The following KLHL1 variants were observed in gnomAD, a reference collection of about 807,000 sequenced individuals.
KLHL1 encodes the protein kelch-like protein 1.
Under a neutral mutation model 77.7 loss-of-function variants are expected in KLHL1, and 47 were observed. The ratio of observed to expected loss-of-function variants is 0.60; its 90% confidence interval spans 0.48 to 0.77. The LOEUF (loss-of-function observed/expected upper bound fraction) is 0.77, where lower values mean the gene tolerates loss of function less well. Ranked by LOEUF, KLHL1 falls within the 30% of genes least tolerant of loss-of-function variation. KLHL1 has a pLI of 0.00. For missense variants in KLHL1, 925 were observed against 910.8 expected, an observed-to-expected ratio of 1.02 and a Z score of -0.20; for synonymous variants, 360 against 325.2, an observed-to-expected ratio of 1.11 and a Z score of -1.15.
At chr13:69,722,450 G>A (rs149052477) in intron 8 of KLHL1, among the ~76,000 whole-genome samples, 1 of 151,776 alleles carries the variant, frequency 6.6e-6, no homozygotes, top group East Asian at 1.9e-4. Flanking sequence ...ATCTAATCTA[G>A]TATCAAACTA....
At chr13:69,844,732 T>G (rs1879389900) in intron 5 of KLHL1, among the ~76,000 whole-genome samples, 1 of 151,690 alleles carries the variant, frequency 6.6e-6, no homozygotes, top group Non-Finnish European at 1.5e-5. Context: ...CTGAGTAATT[T>G]GATTCAAGCA....
intron 1 of KLHL1, among the ~76,000 whole-genome samples, chr13:70,020,882 T>C (rs1230660039): frequency 1.3e-5 from 2 of 152,108 alleles, no homozygotes; most frequent in Non-Finnish European, 2.9e-5. Context: ...ACTTTATTTT[T>C]AGAGCACTGC....
At chr13:69,855,037 T>C (rs1330094688) in intron 5 of KLHL1, among the ~76,000 whole-genome samples, 2 of 152,056 alleles carry the variant, frequency 1.3e-5, no homozygotes, top group African/African-American at 4.8e-5. Flanking sequence ...GTATTACATA[T>C]AGGAATTACA....
chr13:69,965,184 T>G (rs574855152), intron 2 of KLHL1, among the ~76,000 whole-genome samples: 1 of 152,230 alleles, frequency 6.6e-6, no homozygotes. Context: ...TTGCAGATAC[T>G]GCAGTTTTTT....
intron 4 of KLHL1, among the ~76,000 whole-genome samples, chr13:69,919,814 A>T (rs910108963): frequency 6.6e-6 from 1 of 152,190 alleles, no homozygotes; most frequent in Non-Finnish European, 1.5e-5. Flanking sequence ...AAAGTAAAAA[A>T]TAAAAATAAA....
At chr13:69,916,354 T>C (rs1882435760) in intron 4 of KLHL1, among the ~76,000 whole-genome samples, 1 of 151,948 alleles carries the variant, frequency 6.6e-6, no homozygotes, top group African/African-American at 2.4e-5. Context: ...TGTCCAACAA[T>C]GATAGACTGG....
intron 4 of KLHL1, among the ~76,000 whole-genome samples, chr13:69,929,601 A>G (rs1882932188): frequency 1.3e-5 from 2 of 151,862 alleles, no homozygotes; most frequent in Non-Finnish European, 2.9e-5. Flanking sequence ...GTGCTGTATC[A>G]TCTCATATAT....
At chr13:70,013,874 G>A (rs752597530) in intron 1 of KLHL1, among the ~76,000 whole-genome samples, 4 of 151,900 alleles carry the variant, frequency 2.6e-5, no homozygotes, top group Admixed American at 6.6e-5. Flanking sequence ...GCACTTTCTC[G>A]CTACTTGTTA....
At chr13:69,714,621 T>C (rs1876031045) in intron 9 of KLHL1, among the ~76,000 whole-genome samples, 1 of 151,956 alleles carries the variant, frequency 6.6e-6, no homozygotes, top group Non-Finnish European at 1.5e-5. Context: ...TGAGACAGGG[T>C]CTCACTCTGT....
chr13:70,040,955 A>T (rs1021992864), intron 1 of KLHL1, among the ~76,000 whole-genome samples: 1 of 152,050 alleles, frequency 6.6e-6, no homozygotes, highest in Non-Finnish European at 1.5e-5. Context: ...TGTTTTACAG[A>T]TTGGGTGACT....
intron 1 of KLHL1, among the ~76,000 whole-genome samples, chr13:69,979,636 TAC>T (rs935777501): frequency 3.3e-5 from 5 of 152,152 alleles, no homozygotes; most frequent in Non-Finnish European, 7.4e-5. Context: ...AAAAAAACTT[TAC>T]AGTTTCTTTC....
rs138805602 is a variant in KLHL1, at chr13:70,023,505, C to T, written c.498-47703G>A. On this transcript the variant is annotated intron_variant, in intron 1 of 10. Coordinates refer to ENST00000377844, the MANE Select transcript of KLHL1 (RefSeq NM_020866.3). The stretch of plus-strand genomic sequence containing the variant: ...ATAACATCATTTAAGTTCATACTCA[C>T]ATTTTTCTAACTGCCACAAAATATT... Among the ~76,000 whole-genome samples the T allele has an allele frequency of 1.9e-3, 283 of 152,050 alleles. 1 individual carries two copies. Among genetic ancestry groups the T allele is most frequent in the Admixed American group, 4.5e-3 (69 of 15,238 alleles).
At chr13:69,806,124 CTTA>C (rs1368268259) in intron 6 of KLHL1, among the ~76,000 whole-genome samples, 2 of 152,086 alleles carry the variant, frequency 1.3e-5, no homozygotes, top group Admixed American at 6.6e-5. Context: ...TGGAAAACAT[CTTA>C]TTATATAAAA....
rs955826368 is a variant in KLHL1, at chr13:69,843,182, C to T, written c.1228-4020G>A. ...ATGTATTGTTCTCAGGTGACAGACA[C>T]GCCAAATACCCTGCCTTGATCACAA... On this transcript the variant is annotated intron_variant, in intron 5 of 10. Coordinates refer to ENST00000377844, the MANE Select transcript of KLHL1 (RefSeq NM_020866.3). Among the ~76,000 whole-genome samples the T allele has an allele frequency of 4.0e-5, 6 of 151,532 alleles. No homozygotes were observed. In the East Asian group the frequency reaches 5.8e-4, roughly 15 times the overall value.
chr13:69,827,722 C>A (rs1419950052), intron 6 of KLHL1, among the ~76,000 whole-genome samples: 21 of 139,374 alleles, frequency 1.5e-4, no homozygotes, highest in Admixed American at 1.2e-3. Context: ...AGAGCGAGAC[C>A]CTGTCTCAAA....
intron 6 of KLHL1, among the ~76,000 whole-genome samples, chr13:69,837,614 CTATATATATGTGTGTGTATATATATA>C (rs1879058417): frequency 7.3e-6 from 1 of 136,550 alleles, no homozygotes. Context: ...ATCTCTCTCT[CTATATATATGTGTGTGTATATATATA>C]TATGTGTATA....
intron 4 of KLHL1, among the ~76,000 whole-genome samples, chr13:69,904,260 T>C (rs1881976565): frequency 6.6e-6 from 1 of 152,200 alleles, no homozygotes; most frequent in Non-Finnish European, 1.5e-5. Flanking sequence ...TTAAATTTTA[T>C]GAGTCTCAAC....
intron 1 of KLHL1, among the ~76,000 whole-genome samples, chr13:70,033,601 T>C (rs1004772706): frequency 1.5e-5 from 2 of 129,312 alleles, no homozygotes; most frequent in African/African-American, 2.9e-5. Context: ...TCACCGCAAC[T>C]GGCTTTTTTT....
At chr13:69,783,306 T>C (rs146068154) in intron 7 of KLHL1, among the ~76,000 whole-genome samples, 3,511 of 152,158 alleles carry the variant, frequency 0.023, 134 homozygotes, top group African/African-American at 0.081. Context: ...TCACCAGCAA[T>C]AGAACAAAGC....
Sources: allele counts gnomAD v4.1 joint callset (sites outside exome capture counted in the v4.1 genomes callset), GRCh38; gene constraint gnomAD v4.1.1; transcripts MANE v1.5; gene names NCBI Gene and HGNC (gene_info 2026-07-23, HGNC 2026-07-21).